The following MBD5 variants were observed in gnomAD, a reference collection of about 807,000 sequenced individuals.
The protein encoded by MBD5 is methyl-CpG binding domain protein 5, also known as methyl-CpG-binding domain protein 5.
Under a neutral mutation model 117.3 loss-of-function variants are expected in MBD5, and 13 were observed. The ratio of observed to expected loss-of-function variants is 0.11; its 90% CI spans 0.07 to 0.18. The LOEUF (loss-of-function observed/expected upper bound fraction) is 0.18. Among genes scored for constraint, MBD5 ranks in the 10% least tolerant of loss-of-function variants. MBD5 has a pLI of 1.00. For synonymous variants in MBD5, 727 were observed against 766.4 expected (o/e 0.95, Z 0.85); for missense variants, 1,879 against 2,093.8 (o/e 0.90, Z 2.00).
At chr2:148,025,366 AATAT>A (rs1239778224) in intron 1 of MBD5, 2 of 152,140 alleles carry the variant, frequency 1.3e-5, no homozygotes, top group African/African-American at 4.8e-5. Context: ...TTAAAATACA[AATAT>A]ATAAAGAAAA....
intron 4 of MBD5, among the ~76,000 whole-genome samples, chr2:148,412,188 C>G (rs546561253): frequency 9.2e-5 from 14 of 152,004 alleles, no homozygotes; most frequent in African/African-American, 3.4e-4. Flanking sequence ...CTTCTGGGCT[C>G]TCTATTCTAT....
chr2:148,428,304 C>T (rs1476185913), intron 4 of MBD5, among the ~76,000 whole-genome samples: 1 of 152,098 alleles, frequency 6.6e-6, no homozygotes, highest in Non-Finnish European at 1.5e-5. Flanking sequence ...TGAAGGACCT[C>T]TTCAAGGAGA....
At chr2:148,050,593 T>C (rs1382905349) in intron 1 of MBD5, among the ~76,000 whole-genome samples, 2 of 152,290 alleles carry the variant, frequency 1.3e-5, no homozygotes, top group East Asian at 1.9e-4. Context: ...ACTTTAACTT[T>C]TGGTGTTAAT....
chr2:148,313,245 C>T (rs1427647326), intron 3 of MBD5, among the ~76,000 whole-genome samples: 4 of 152,140 alleles, frequency 2.6e-5, no homozygotes, highest in African/African-American at 7.2e-5. Flanking sequence ...GCTGAAGCTG[C>T]GCCCACAGCT....
chr2:148,333,673 C>A (rs1257392772), intron 3 of MBD5, among the ~76,000 whole-genome samples: 3 of 141,236 alleles, frequency 2.1e-5, no homozygotes, highest in Non-Finnish European at 3.1e-5. Context: ...GAAACCCTGT[C>A]TCTGCTGAAA....
rs73013079 is a variant in MBD5, at chr2:148,297,261, T to A, written c.-679-44953T>A. Among the ~76,000 whole-genome samples, 841 of 152,300 alleles carry A rather than the reference T, an allele frequency of 5.5e-3. 8 individuals carry two copies. The highest frequency in any genetic ancestry group is 0.02 in the African/African-American group (814 of 41,568). On this transcript the variant is annotated intron_variant, in intron 3 of 13. Coordinates refer to ENST00000642680, the MANE Select transcript of MBD5 (RefSeq NM_001378120.1). ...ATATTGTAGCAATTCTGAATATTAGTCCTCAATATTTGTCATTGTTGTTGG... is the reference window on the plus strand; with the variant it reads ...ATATTGTAGCAATTCTGAATATTAGACCTCAATATTTGTCATTGTTGTTGG...
intron 3 of MBD5, among the ~76,000 whole-genome samples, chr2:148,252,127 G>A (rs1055046935): frequency 3.3e-5 from 5 of 152,078 alleles, no homozygotes; most frequent in Non-Finnish European, 7.4e-5. Flanking sequence ...TAGTTCCATA[G>A]AACAAAGGCT....
intron 4 of MBD5, among the ~76,000 whole-genome samples, chr2:148,452,508 T>G (rs1236894848): frequency 6.6e-6 from 1 of 151,836 alleles, no homozygotes; most frequent in East Asian, 1.9e-4. Flanking sequence ...TCCAAAAAAT[T>G]AAAGTAAAAT....
chr2:148,220,679 G>A (rs548195256), intron 2 of MBD5, among the ~76,000 whole-genome samples: 60 of 152,166 alleles, frequency 3.9e-4, no homozygotes, highest in African/African-American at 1.4e-3. Flanking sequence ...ATACAGGCAT[G>A]CAACATGTAA....
chr2:148,426,357 C>A (rs1368501741), intron 4 of MBD5, among the ~76,000 whole-genome samples: 10 of 151,976 alleles, frequency 6.6e-5, no homozygotes, highest in Non-Finnish European at 1.3e-4. Context: ...AATCCTAAGC[C>A]AAAAGAACAA....
chr2:148,021,153 G>C lies in MBD5; in HGVS notation c.-1456G>C, dbSNP rs1693694732. ...GAAGAGAGAGGCAGTGGCAGAGGGG[G>C]GGCACCTTTTATTTCTATTTTTAAA... On this transcript the variant is annotated 5_prime_UTR_variant, in exon 1 of 14. Coordinates refer to ENST00000642680, the MANE Select transcript of MBD5 (RefSeq NM_001378120.1). 6.4e-6 allele frequency: 1 copy of C among 157,446 alleles called. No individual in the cohort carries two copies. Among genetic ancestry groups the C allele is most frequent in the Admixed American group, 6.4e-5 (1 of 15,668 alleles). 9.8% of individuals were successfully genotyped at this position (157,446 alleles called of 1,614,324 possible). A position where few individuals can be genotyped will look rare whatever the true frequency, so the allele number is the denominator to read the frequency against.
At position 148,074,490 on chromosome 2, in the gene MBD5, T is replaced by G. The variant is rs558053423; in HGVS notation, c.-925+52806T>G. ...ACCTTCAAAGGAATAGTTTGTTTTTTTTTTGTTTTTTTTTTTGTTTTTTTT... is the reference window on the plus strand; with the variant it reads ...ACCTTCAAAGGAATAGTTTGTTTTTGTTTTGTTTTTTTTTTTGTTTTTTTT... On this transcript the variant is annotated intron_variant, in intron 1 of 13. Transcript: ENST00000642680. 5.3e-4 allele frequency among the ~76,000 whole-genome samples: 71 copies of G among 134,496 alleles called. 2 individuals carry two copies. The highest frequency in any genetic ancestry group is 4.7e-3 in the East Asian group (21 of 4,472). The allele number at this position is 134,496 out of a possible 152,430, so 88.2% of individuals were successfully genotyped here. A position where few individuals can be genotyped will look rare whatever the true frequency, so the allele number is the denominator to read the frequency against.
At chr2:148,379,804 AAG>A (rs780497793) in intron 4 of MBD5, among the ~76,000 whole-genome samples, 9 of 152,164 alleles carry the variant, frequency 5.9e-5, no homozygotes, top group Non-Finnish European at 1.3e-4. Flanking sequence ...GTAACCCACT[AAG>A]AGATTATAAT....
intron 1 of MBD5, among the ~76,000 whole-genome samples, chr2:148,155,776 C>T (rs952988848): frequency 6.6e-6 from 1 of 152,150 alleles, no homozygotes; most frequent in Non-Finnish European, 1.5e-5. Flanking sequence ...CCTTAGAAAA[C>T]TCATAGTAAC....
chr2:148,363,386 C>T (rs887071638), intron 4 of MBD5, among the ~76,000 whole-genome samples: 1 of 152,136 alleles, frequency 6.6e-6, no homozygotes, highest in African/African-American at 2.4e-5. Context: ...GCGCCCGCCA[C>T]CACGCCCGGC....
At chr2:148,088,587 A>G (rs1041128609) in intron 1 of MBD5, among the ~76,000 whole-genome samples, 1 of 152,172 alleles carries the variant, frequency 6.6e-6, no homozygotes, top group African/African-American at 2.4e-5. Context: ...TTACCATCCA[A>G]TAATTTCATA....
chr2:148,230,986 G>A (rs898565956), intron 2 of MBD5, among the ~76,000 whole-genome samples: 1 of 152,014 alleles, frequency 6.6e-6, no homozygotes, highest in African/African-American at 2.4e-5. Flanking sequence ...CTTTTTTGGA[G>A]CCACCAGCTG....
At chr2:148,482,528 T>C (rs868578335) in intron 8 of MBD5, among the ~76,000 whole-genome samples, 119 of 152,214 alleles carry the variant, frequency 7.8e-4, no homozygotes, top group African/African-American at 2.8e-3. Flanking sequence ...TGCATATGTA[T>C]AGACATGCAG....
At chr2:148,387,445 T>C (rs1340944761) in intron 4 of MBD5, among the ~76,000 whole-genome samples, 1 of 152,162 alleles carries the variant, frequency 6.6e-6, no homozygotes, top group Admixed American at 6.5e-5. Context: ...GCAAGTATCA[T>C]TCTTCCCAAT....
Sources: gnomAD v4.1 joint callset for allele counts (sites outside exome capture counted in the v4.1 genomes callset) on GRCh38, gnomAD v4.1.1 for gene constraint, MANE v1.5 for transcripts, NCBI Gene and HGNC (gene_info 2026-07-23, HGNC 2026-07-21) for gene names.